The following WWOX variants were observed in gnomAD, a reference collection of about 807,000 sequenced individuals.
WWOX encodes the protein WW domain containing oxidoreductase.
WWOX carries 69 observed loss-of-function variants against 46.2 expected under a neutral mutation model. The ratio of observed to expected loss-of-function variants is 1.49; its 90% CI spans 1.23 to 1.82. The LOEUF (loss-of-function observed/expected upper bound fraction) is 1.82. Among genes scored for constraint, WWOX ranks in the 40% most tolerant of loss-of-function variants. The probability of loss-of-function intolerance (pLI) is 0.00; values close to 1 mark genes in which losing one functional copy is unlikely to be tolerated. For missense variants in WWOX, 919 were observed against 542.6 expected (o/e 1.69, Z -6.89); for synonymous variants, 359 against 202.6 (o/e 1.77, Z -6.56).
At chr16:79,178,077 C>G (rs191859556) in intron 8 of WWOX, among the ~76,000 whole-genome samples, 6 of 152,216 alleles carry the variant, frequency 3.9e-5, no homozygotes, top group African/African-American at 9.6e-5. Flanking sequence ...CTCTTGTGAT[C>G]TAATCACCTT....
At chr16:78,195,431 A>G (rs1328955364) in intron 5 of WWOX, among the ~76,000 whole-genome samples, 1 of 152,092 alleles carries the variant, frequency 6.6e-6, no homozygotes, top group Non-Finnish European at 1.5e-5. Context: ...GAATGAACTC[A>G]GGTGTCTTAA....
At chr16:78,233,547 G>A (rs1357265012) in intron 5 of WWOX, among the ~76,000 whole-genome samples, 2 of 101,790 alleles carry the variant, frequency 2.0e-5, no homozygotes, top group African/African-American at 7.8e-5. Flanking sequence ...TTTTTTTTGA[G>A]ATGGAGTCTT....
chr16:78,461,951 T>C (rs2083961031), intron 8 of WWOX, among the ~76,000 whole-genome samples: 1 of 152,234 alleles, frequency 6.6e-6, no homozygotes, highest in Non-Finnish European at 1.5e-5. Context: ...GAGCCAGCAG[T>C]ATCCCAATGG....
intron 8 of WWOX, among the ~76,000 whole-genome samples, chr16:78,622,596 C>T (rs537747713): frequency 2.6e-5 from 4 of 151,992 alleles, no homozygotes; most frequent in African/African-American, 7.2e-5. Flanking sequence ...GACAGATGGA[C>T]CCTAAGACGG....
chr16:78,429,769 AT>A (rs1185385129), intron 7 of WWOX, among the ~76,000 whole-genome samples: 3 of 152,208 alleles, frequency 2.0e-5, no homozygotes, highest in African/African-American at 7.2e-5. Flanking sequence ...GCACAAATAT[AT>A]TTTCAATTCG....
chr16:78,401,249 A>G (rs1336271268), intron 6 of WWOX, among the ~76,000 whole-genome samples: 2 of 151,330 alleles, frequency 1.3e-5, no homozygotes, highest in African/African-American at 2.5e-5. Flanking sequence ...TACATTTTCC[A>G]TAATTTAGTG....
At chr16:78,198,082 G>A (rs889420) in intron 5 of WWOX, among the ~76,000 whole-genome samples, 14,990 of 152,098 alleles carry the variant, frequency 0.099, 924 homozygotes, top group East Asian at 0.17. Context: ...TCCTGGTAGC[G>A]GTTGGTAAGC....
intron 8 of WWOX, among the ~76,000 whole-genome samples, chr16:78,920,847 G>A (rs1215310942): frequency 6.6e-6 from 1 of 152,172 alleles, no homozygotes; most frequent in Non-Finnish European, 1.5e-5. Context: ...GAAGGCCAGG[G>A]ACTTGTTCAA....
At chr16:78,859,032 ATATATATATATATATATG>A (rs1261398834) in intron 8 of WWOX, among the ~76,000 whole-genome samples, 11,338 of 42,296 alleles carry the variant, frequency 0.27, 843 homozygotes, top group Non-Finnish European at 0.37. Context: ...AAAAAAATAT[ATATATATATATATATATG>A]TATATATATA....
chr16:78,841,488 C>T (rs1360085354), intron 8 of WWOX, among the ~76,000 whole-genome samples: 2 of 152,130 alleles, frequency 1.3e-5, no homozygotes, highest in South Asian at 2.1e-4. Flanking sequence ...TGGAAAGTGG[C>T]AAATGCTACT....
intron 1 of WWOX, among the ~76,000 whole-genome samples, chr16:78,100,893 C>T (rs896306913): frequency 6.6e-6 from 1 of 152,092 alleles, no homozygotes; most frequent in East Asian, 1.9e-4. Flanking sequence ...CTACTGTAGC[C>T]GACTCTCAAC....
At chr16:79,046,512 C>A (rs551798205) in intron 8 of WWOX, among the ~76,000 whole-genome samples, 1 of 152,170 alleles carries the variant, frequency 6.6e-6, no homozygotes, top group African/African-American at 2.4e-5. Context: ...GGCTGGGCTC[C>A]TGATTCATAG....
intron 8 of WWOX, among the ~76,000 whole-genome samples, chr16:78,671,244 G>A (rs745459324): frequency 3.9e-5 from 6 of 152,050 alleles, no homozygotes; most frequent in African/African-American, 1.2e-4. Flanking sequence ...GCAACAAGGC[G>A]AGACCCCGTC....
intron 8 of WWOX, among the ~76,000 whole-genome samples, chr16:79,043,147 A>G (rs932240488): frequency 3.9e-5 from 6 of 152,154 alleles, no homozygotes; most frequent in African/African-American, 7.2e-5. Context: ...GCCTACTTGC[A>G]GCTGAAGAGA....
chr16:78,294,547 A>G (rs1031705583), intron 5 of WWOX, among the ~76,000 whole-genome samples: 3 of 151,978 alleles, frequency 2.0e-5, no homozygotes, highest in Non-Finnish European at 4.4e-5. Context: ...GCAGATTTCC[A>G]TTTTACTCTT....
rs3764341 is a variant in WWOX at position 78,432,584 on chromosome 16, C to T, written c.888C>T (p.Ser296=). 1 of 1,614,082 alleles carries T rather than the reference C, an allele frequency of 6.2e-7. No homozygotes were observed. Among genetic ancestry groups the T allele is most frequent in the Non-Finnish European group, 8.5e-7 (1 of 1,180,050 alleles). ...GGGCGATGCTGGCTTATAACAGGTC[C>T]AAGCTCTGCAACATCCTCTTCTCCA... ...DYWAMLAYNR[S]KLCNILFSNE... The change falls in exon 8 of 9, where the codon TCC becomes TCT. Residue 296 remains serine (S), a synonymous_variant. Transcript: ENST00000566780.
chr16:78,858,932 G>C (rs1284656934), intron 8 of WWOX, among the ~76,000 whole-genome samples: 4 of 143,374 alleles, frequency 2.8e-5, no homozygotes, highest in East Asian at 2.2e-4. Flanking sequence ...TCCCACCTCA[G>C]CCTCCCAAAG....
Position 78,760,275 on chromosome 16 carries a change from C to T in WWOX, c.1056+327523C>T, listed in dbSNP as rs79313907. Reference sequence around the variant, plus strand: ...ACCATGAGAACAATATGGGAGAAATCGATCCTGTGATTCAATTATCTCCCA... The same window carrying T: ...ACCATGAGAACAATATGGGAGAAATTGATCCTGTGATTCAATTATCTCCCA... On this transcript the variant is annotated intron_variant, in intron 8 of 8. Transcript: ENST00000566780. Among the ~76,000 whole-genome samples the T allele has an allele frequency of 3.2e-3, 488 of 152,242 alleles. 3 individuals are homozygous for T. Among genetic ancestry groups the T allele is most frequent in the Middle Eastern group, 0.01 (3 of 294 alleles).
intron 8 of WWOX, among the ~76,000 whole-genome samples, chr16:78,572,218 G>A (rs2044732837): frequency 1.3e-5 from 2 of 152,154 alleles, no homozygotes; most frequent in East Asian, 1.9e-4. Flanking sequence ...GCACATTCCT[G>A]CATAGGAGAT....
Sources: allele counts gnomAD v4.1 joint callset (sites outside exome capture counted in the v4.1 genomes callset), GRCh38; gene constraint gnomAD v4.1.1; transcripts MANE v1.5; gene names NCBI Gene and HGNC (gene_info 2026-07-23, HGNC 2026-07-21).